The following SEPTIN3 variants were observed in gnomAD, a reference collection of about 807,000 sequenced individuals.
SEPTIN3 encodes septin 3, also known as neuronal-specific septin-3.
Under a neutral mutation model 45.1 loss-of-function variants are expected in SEPTIN3, and 15 were observed. The ratio of observed to expected loss-of-function variants is 0.33; its 90% confidence interval spans 0.22 to 0.51. The LOEUF (loss-of-function observed/expected upper bound fraction) is 0.51. SEPTIN3 is among the 20% of genes least tolerant of loss of function. The pLI, the probability that SEPTIN3 is intolerant of heterozygous loss-of-function variation, is 0.97. For synonymous variants in SEPTIN3, 148 were observed against 164.8 expected (o/e 0.90, Z 0.78); for missense variants, 289 against 457.2 (o/e 0.63, Z 3.35).
At chr22:41,980,999 C>T (rs1192108780) in intron 2 of SEPTIN3, among the ~76,000 whole-genome samples, 1 of 152,132 alleles carries the variant, frequency 6.6e-6, no homozygotes, top group Non-Finnish European at 1.5e-5. Context: ...TAGCCACTCT[C>T]CAGAGAAGGG....
intron 7 of SEPTIN3, among the ~76,000 whole-genome samples, chr22:41,990,663 A>G (rs573131924): frequency 3.7e-4 from 54 of 145,788 alleles, no homozygotes; most frequent in African/African-American, 1.2e-3. Flanking sequence ...GGAGAATGGC[A>G]TGAACCCGAG....
intron 2 of SEPTIN3, among the ~76,000 whole-genome samples, chr22:41,978,731 A>G (rs1373534528): frequency 6.6e-6 from 1 of 152,216 alleles, no homozygotes; most frequent in Non-Finnish European, 1.5e-5. Context: ...TGGCTGGTGT[A>G]GACCCCCATT....
At position 41,997,069 on chromosome 22, in the gene SEPTIN3, C is replaced by A; in HGVS notation, c.*102C>A. On this transcript the variant is annotated 3_prime_UTR_variant, in exon 12 of 12. Coordinates refer to ENST00000644076, the MANE Select transcript of SEPTIN3 (RefSeq NM_001363845.2). Reference sequence around the variant, plus strand: ...GTGCTCGTCCAGCTCACCACCACAGCCCCTCTCAGCCCTCAGTAGGTGGGA... The same window carrying A: ...GTGCTCGTCCAGCTCACCACCACAGACCCTCTCAGCCCTCAGTAGGTGGGA... The A allele has an allele frequency of 8.2e-6, 13 of 1,580,628 alleles. No homozygotes were observed. The highest frequency in any genetic ancestry group is 2.3e-5 in the East Asian group (1 of 44,248).
chr22:41,992,459 G>A (rs1279545375), intron 8 of SEPTIN3, among the ~76,000 whole-genome samples: 1 of 152,182 alleles, frequency 6.6e-6, no homozygotes, highest in East Asian at 1.9e-4. Flanking sequence ...GTACAATTGG[G>A]ACTAGACCCA....
chr22:41,982,399 T>G (rs1206843752), intron 3 of SEPTIN3, among the ~76,000 whole-genome samples: 2 of 152,018 alleles, frequency 1.3e-5, no homozygotes, highest in Non-Finnish European at 2.9e-5. Flanking sequence ...TCGCAGCTAC[T>G]CGGGAGGCTG....
At position 41,994,260 on chromosome 22, in the gene SEPTIN3, CT is replaced by C; in HGVS notation, c.2360-29del. ...GTTGCTGTATTAATGAACTGACTAC[CT>C]GTTTTGCTTTGTTTTGTTTTGTTCA... On this transcript the variant is annotated intron_variant, in intron 9 of 11. Transcript: ENST00000644076. This position sits in a 1 kb window ranked among gnomAD's most constrained non-coding sequence, Gnocchi z 4.2. The C allele has an allele frequency of 1.9e-6, 3 of 1,610,948 alleles. No individual in the cohort carries two copies. In the South Asian group the frequency reaches 3.3e-5, roughly 18 times the overall value.
intron 2 of SEPTIN3, among the ~76,000 whole-genome samples, chr22:41,980,294 T>C (rs746396164): frequency 2.6e-5 from 4 of 152,006 alleles, no homozygotes; most frequent in Non-Finnish European, 5.9e-5. Flanking sequence ...CCTGCCACCA[T>C]GCCTGGCTAA....
At chr22:41,996,421 A>G (rs2078438796) in intron 11 of SEPTIN3, 3 of 986,370 alleles carry the variant, frequency 3.0e-6, no homozygotes, top group Non-Finnish European at 3.6e-6. Flanking sequence ...CTGGTCCTCT[A>G]TGAATCCCAG....
chr22:41,992,104 G>A (rs1202088161), intron 8 of SEPTIN3, among the ~76,000 whole-genome samples: 1 of 152,112 alleles, frequency 6.6e-6, no homozygotes, highest in Non-Finnish European at 1.5e-5. Context: ...AATTGGCTGG[G>A]CGTGGTGACT....
intron 2 of SEPTIN3, among the ~76,000 whole-genome samples, chr22:41,975,884 C>T (rs889858507): frequency 1.3e-5 from 2 of 152,188 alleles, no homozygotes; most frequent in Non-Finnish European, 2.9e-5. Context: ...GCAGCACTTT[C>T]GGCTTAATAT....
intron 8 of SEPTIN3, 104 bp downstream of exon 8, chr22:41,991,772 C>T: frequency 2.4e-6 from 2 of 837,650 alleles, no homozygotes; most frequent in African/African-American, 1.7e-5. Flanking sequence ...GTACTCCCCC[C>T]AACCTTGCCT....
At chr22:41,978,364 G>T (rs1476139191) in intron 2 of SEPTIN3, among the ~76,000 whole-genome samples, 1 of 152,200 alleles carries the variant, frequency 6.6e-6, no homozygotes, top group Non-Finnish European at 1.5e-5. Context: ...CTAAAGAAGG[G>T]TGAGAACTAG....
At chr22:41,970,423 C>T (rs560053184) in intron 1 of SEPTIN3, among the ~76,000 whole-genome samples, 2 of 152,182 alleles carry the variant, frequency 1.3e-5, no homozygotes, top group African/African-American at 2.4e-5. Flanking sequence ...GCACAGCCCA[C>T]GGAGCAGAGA....
rs1173092039 is a variant in SEPTIN3 at position 41,997,545 on chromosome 22, T to C, written c.*578T>C. On this transcript the variant is annotated 3_prime_UTR_variant, in exon 12 of 12. Coordinates refer to ENST00000644076, the MANE Select transcript of SEPTIN3 (RefSeq NM_001363845.2). ...CACTTGTGGCTGTCCCAGAGTGCGGTTGTACATCCTCCCCACCTCATAACG... is the reference window on the plus strand; with the variant it reads ...CACTTGTGGCTGTCCCAGAGTGCGGCTGTACATCCTCCCCACCTCATAACG... 6.6e-6 allele frequency: 1 copy of C among 152,404 alleles called. No homozygotes were observed. Among genetic ancestry groups the C allele is most frequent in the Non-Finnish European group, 1.5e-5 (1 of 68,144 alleles). The allele number at this position is 152,404 out of a possible 1,614,324, so 9.4% of individuals were successfully genotyped here. A position where few individuals can be genotyped will look rare whatever the true frequency, so the allele number is the denominator to read the frequency against.
chr22:41,974,279 G>A (rs972245018), intron 2 of SEPTIN3, among the ~76,000 whole-genome samples: 1 of 151,964 alleles, frequency 6.6e-6, no homozygotes, highest in Non-Finnish European at 1.5e-5. Context: ...TGATCAATAG[G>A]TGTGTCCACC....
At chr22:41,974,519 C>T (rs1180329161) in intron 2 of SEPTIN3, among the ~76,000 whole-genome samples, 2 of 151,366 alleles carry the variant, frequency 1.3e-5, no homozygotes, top group South Asian at 2.1e-4. Context: ...AAACATTAGC[C>T]GGGTGTGGTG....
At chr22:41,990,764 A>G (rs1460830298) in intron 7 of SEPTIN3, among the ~76,000 whole-genome samples, 1 of 137,986 alleles carries the variant, frequency 7.2e-6, no homozygotes, top group African/African-American at 2.7e-5. Context: ...AAAAAAAAAA[A>G]AAAAGAAACT....
chr22:41,975,592 C>G (rs1276025796), intron 2 of SEPTIN3, among the ~76,000 whole-genome samples: 1 of 152,206 alleles, frequency 6.6e-6, no homozygotes, highest in African/African-American at 2.4e-5. Context: ...TAGCCCTTTT[C>G]TTCTTGAACT....
intron 4 of SEPTIN3, among the ~76,000 whole-genome samples, chr22:41,986,610 C>T (rs1286526242): frequency 6.6e-6 from 1 of 152,092 alleles, no homozygotes; most frequent in African/African-American, 2.4e-5. Context: ...CGCCATTCTC[C>T]TGCCTCAGCC....
Sources: allele counts gnomAD v4.1 joint callset (sites outside exome capture counted in the v4.1 genomes callset), GRCh38; gene constraint gnomAD v4.1.1; non-coding constraint Gnocchi (gnomAD v3.1); transcripts MANE v1.5; gene names NCBI Gene and HGNC (gene_info 2026-07-23, HGNC 2026-07-21).